RBMS3: variants seen among roughly 807,000 people sequenced by gnomAD.
RBMS3 encodes RNA-binding motif, single-stranded-interacting protein 3.
In RBMS3, 27 loss-of-function variants were observed where a neutral mutation model predicts 66.8. That is an observed-to-expected ratio of 0.40 (90% CI 0.30 to 0.56). The LOEUF (loss-of-function observed/expected upper bound fraction) is 0.56, where lower values mean the gene tolerates loss of function less well. Among genes scored for constraint, RBMS3 ranks in the 20% least tolerant of loss-of-function variants. The probability of loss-of-function intolerance (pLI) is 0.40; values close to 1 mark genes in which losing one functional copy is unlikely to be tolerated. For missense variants in RBMS3, 513 were observed against 549.5 expected, an observed-to-expected ratio of 0.93 and a Z score of 0.66; for synonymous variants, 188 against 183.0, an observed-to-expected ratio of 1.03 and a Z score of -0.22.
At chr3:29,832,806 G>T (rs7646133) in intron 6 of RBMS3, among the ~76,000 whole-genome samples, 13,881 of 152,136 alleles carry the variant, frequency 0.091, 666 homozygotes, top group East Asian at 0.16. Context: ...CTACTTAGGA[G>T]GCCTTGCCTG....
intron 1 of RBMS3, among the ~76,000 whole-genome samples, chr3:29,325,140 C>G (rs1412192871): frequency 6.6e-6 from 1 of 152,096 alleles, no homozygotes; most frequent in East Asian, 1.9e-4. Flanking sequence ...AGGAAACACT[C>G]TATGTATTAA....
intron 4 of RBMS3, among the ~76,000 whole-genome samples, chr3:29,704,060 T>C (rs910191215): frequency 1.3e-5 from 2 of 152,312 alleles, no homozygotes; most frequent in Admixed American, 1.3e-4. Context: ...CAACCCCAGA[T>C]TGGACTGTCT....
chr3:29,777,906 G>T (rs553656223), intron 6 of RBMS3, among the ~76,000 whole-genome samples: 1 of 151,830 alleles, frequency 6.6e-6, no homozygotes, highest in Non-Finnish European at 1.5e-5. Flanking sequence ...AGTACATTGG[G>T]GTTGTAGTGG....
chr3:29,698,236 T>C (rs1485669461), intron 4 of RBMS3: 1 of 985,208 alleles, frequency 1.0e-6, no homozygotes, highest in Non-Finnish European at 1.2e-6. Flanking sequence ...TTCTGAGTAA[T>C]GCACAGAATT....
Position 29,574,828 on chromosome 3 carries a change from A to AACACAC in RBMS3, c.308-12256_308-12251dup, listed in dbSNP as rs201818764. Reference sequence around the variant, plus strand: ...AAACTTAACACTGATTGCATAAGAAAACACACACACACACACACACACACA... The same window carrying AACACAC: ...AAACTTAACACTGATTGCATAAGAAAACACACACACACACACACACACACACACACA... On this transcript the variant is annotated intron_variant, in intron 3 of 14. Coordinates refer to ENST00000383767, the MANE Select transcript of RBMS3 (RefSeq NM_001003793.3). Among the ~76,000 whole-genome samples, 241 of 146,946 alleles carry AACACAC rather than the reference A, an allele frequency of 1.6e-3. 1 individual carries two copies. Among genetic ancestry groups the AACACAC allele is most frequent in the Middle Eastern group, 6.9e-3 (2 of 288 alleles).
intron 4 of RBMS3, among the ~76,000 whole-genome samples, chr3:29,674,841 T>G (rs2051169836): frequency 6.6e-6 from 1 of 151,630 alleles, no homozygotes; most frequent in South Asian, 2.1e-4. Context: ...AGGTAATTTA[T>G]AGATTAAATG....
chr3:29,398,698 T>C (rs898206627), intron 1 of RBMS3, among the ~76,000 whole-genome samples: 2 of 152,140 alleles, frequency 1.3e-5, no homozygotes, highest in Non-Finnish European at 2.9e-5. Context: ...TGCAGTGAAA[T>C]AGTGTTCTTA....
At chr3:29,292,455 T>C (rs1323641525) in intron 1 of RBMS3, among the ~76,000 whole-genome samples, 1 of 151,918 alleles carries the variant, frequency 6.6e-6, no homozygotes, top group Non-Finnish European at 1.5e-5. Flanking sequence ...TTCACAAATA[T>C]TGTGGTACCT....
chr3:29,478,510 C>T (rs566042112), intron 2 of RBMS3, among the ~76,000 whole-genome samples: 73 of 152,282 alleles, frequency 4.8e-4, no homozygotes, highest in African/African-American at 1.8e-3. Context: ...CTCCTAACAC[C>T]ATCATATTAG....
At chr3:29,372,270 C>T (rs4680817) in intron 1 of RBMS3, among the ~76,000 whole-genome samples, 139,277 of 152,106 alleles carry the variant, frequency 0.92, 64,036 homozygotes, top group East Asian at 1. Flanking sequence ...GTGGAGGCTG[C>T]AGTGAGTGAG....
chr3:29,817,582 A>G (rs1216404617), intron 6 of RBMS3, among the ~76,000 whole-genome samples: 1 of 152,142 alleles, frequency 6.6e-6, no homozygotes, highest in Non-Finnish European at 1.5e-5. Context: ...TTAAAATTTG[A>G]TTATTTCTGA....
intron 4 of RBMS3, among the ~76,000 whole-genome samples, chr3:29,727,204 C>T (rs1405690081): frequency 6.6e-6 from 1 of 152,148 alleles, no homozygotes; most frequent in African/African-American, 2.4e-5. Context: ...ACACCTTATA[C>T]AAAAATTAAC....
intron 2 of RBMS3, among the ~76,000 whole-genome samples, chr3:29,461,789 T>C (rs1170943540): frequency 6.6e-6 from 1 of 152,010 alleles, no homozygotes; most frequent in East Asian, 1.9e-4. Context: ...AGTCTCACTC[T>C]GTCACCTAGG....
intron 1 of RBMS3, among the ~76,000 whole-genome samples, chr3:29,347,821 T>C (rs1298816382): frequency 6.6e-6 from 1 of 152,212 alleles, no homozygotes; most frequent in African/African-American, 2.4e-5. Flanking sequence ...TTGTTTTCTT[T>C]AACACAAAAT....
At chr3:29,483,141 TAAA>T (rs397772507) in intron 2 of RBMS3, among the ~76,000 whole-genome samples, 1 of 149,318 alleles carries the variant, frequency 6.7e-6, no homozygotes, top group Non-Finnish European at 1.5e-5. Flanking sequence ...CTGTCTCTAC[TAAA>T]AAAAATACAA....
chr3:29,541,726 T>C (rs1314556961), intron 3 of RBMS3, among the ~76,000 whole-genome samples: 1 of 152,198 alleles, frequency 6.6e-6, no homozygotes, highest in Non-Finnish European at 1.5e-5. Flanking sequence ...CATAGAGTAA[T>C]GCAAGGCTTA....
chr3:29,930,180 T>C (rs1263364429), intron 10 of RBMS3, among the ~76,000 whole-genome samples: 9 of 137,644 alleles, frequency 6.5e-5, no homozygotes, highest in African/African-American at 8.1e-5. Flanking sequence ...GGCATGATCT[T>C]GGCTCACTGC....
At chr3:29,716,456 A>T (rs902978687) in intron 4 of RBMS3, among the ~76,000 whole-genome samples, 1 of 152,188 alleles carries the variant, frequency 6.6e-6, no homozygotes, top group South Asian at 2.1e-4. Flanking sequence ...GATAAATTAG[A>T]AAAAAGAAGA....
chr3:29,638,442 T>C (rs1305971469), intron 4 of RBMS3, among the ~76,000 whole-genome samples: 2 of 151,814 alleles, frequency 1.3e-5, no homozygotes, highest in African/African-American at 2.4e-5. Context: ...TCTGATATTA[T>C]TCTGAGAATT....
Sources: allele counts gnomAD v4.1 joint callset (sites outside exome capture counted in the v4.1 genomes callset), GRCh38; gene constraint gnomAD v4.1.1; transcripts MANE v1.5; gene names NCBI Gene and HGNC (gene_info 2026-07-23, HGNC 2026-07-21).